Variants in PRKN observed in about 807,000 individuals in gnomAD.
PRKN encodes parkin RBR E3 ubiquitin protein ligase.
A neutral mutation model predicts 59.5 loss-of-function variants in PRKN; 56 were observed. That is an observed-to-expected ratio of 0.94 (90% CI 0.76 to 1.18). The LOEUF (loss-of-function observed/expected upper bound fraction) is 1.18. PRKN is among the 50% of genes most tolerant of loss of function. PRKN has a pLI of 0.00. For missense variants in PRKN, 657 were observed against 596.4 expected (o/e 1.10, Z -1.06); for synonymous variants, 250 against 222.1 (o/e 1.13, Z -1.12).
At position 161,362,214 on chromosome 6, in the gene PRKN, A is replaced by G. The variant is rs1785003049; in HGVS notation, c.1168-2009T>C. Among the ~76,000 whole-genome samples the G allele has an allele frequency of 6.6e-6, 1 of 152,214 alleles. No homozygotes were observed. Among genetic ancestry groups the G allele is most frequent in the South Asian group, 2.1e-4 (1 of 4,826 alleles). On this transcript the variant is annotated intron_variant, in intron 10 of 11. Coordinates refer to ENST00000366898, the MANE Select transcript of PRKN (RefSeq NM_004562.3). This position sits in a 1 kb window ranked among gnomAD's most constrained non-coding sequence, Gnocchi z 5.2. Reference sequence around the variant, plus strand: ...TTCTCCCAGGTCCACACACCTAAAAATGCTGGATCAAATATGGAAAAAAAT... The same window carrying G: ...TTCTCCCAGGTCCACACACCTAAAAGTGCTGGATCAAATATGGAAAAAAAT...
chr6:162,441,956 T>C (rs1790074165), intron 2 of PRKN, among the ~76,000 whole-genome samples: 1 of 152,158 alleles, frequency 6.6e-6, no homozygotes, highest in African/African-American at 2.4e-5. Flanking sequence ...GGAAACATCC[T>C]TGGATTTAGA....
chr6:162,211,869 A>T (rs1442262720), intron 3 of PRKN, among the ~76,000 whole-genome samples: 1 of 152,162 alleles, frequency 6.6e-6, no homozygotes, highest in Non-Finnish European at 1.5e-5. Context: ...AGATTCATAA[A>T]ATCTCTACTA....
intron 4 of PRKN, among the ~76,000 whole-genome samples, chr6:162,135,147 G>A (rs564154209): frequency 6.6e-6 from 1 of 151,910 alleles, no homozygotes; most frequent in Non-Finnish European, 1.5e-5. Context: ...GTTGTTGTTT[G>A]GCTTTTACAG....
chr6:161,569,549 A>C, intron 7 of PRKN, 133 bp from the exon 8 acceptor site: 1 of 771,278 alleles, frequency 1.3e-6, no homozygotes, highest in East Asian at 2.7e-5. Context: ...TGAAAAACAC[A>C]CATCTAACCA....
chr6:161,464,836 C>A (rs898674400), intron 9 of PRKN, among the ~76,000 whole-genome samples: 1 of 152,184 alleles, frequency 6.6e-6, no homozygotes, highest in African/African-American at 2.4e-5. Flanking sequence ...CAGGTAAAAC[C>A]ATCAGGCAAT....
In PRKN at chr6:162,267,805, G is replaced by A. The variant is rs191004642; in HGVS notation, c.172-5040C>T. On this transcript the variant is annotated intron_variant, in intron 2 of 11. Coordinates refer to ENST00000366898, the MANE Select transcript of PRKN (RefSeq NM_004562.3). ...ACCAGTATTAACAAAACATCCATGG[G>A]AGTTTTTTTTGCCAAACAATGATCA... Among the ~76,000 whole-genome samples the A allele has an allele frequency of 2.0e-5, 3 of 152,130 alleles. No individual in the cohort carries two copies. In the East Asian group the frequency reaches 5.8e-4, roughly 29 times the overall value.
At chr6:161,481,869 T>C (rs772955082) in intron 9 of PRKN, among the ~76,000 whole-genome samples, 2 of 151,934 alleles carry the variant, frequency 1.3e-5, no homozygotes, top group Non-Finnish European at 2.9e-5. Flanking sequence ...TTGGGCAATT[T>C]TTCAAAGAAG....
Position 162,251,664 on chromosome 6 carries a change from T to G in PRKN, c.412+10861A>C, listed in dbSNP as rs6941497. 1.8e-3 allele frequency among the ~76,000 whole-genome samples: 274 copies of G among 152,362 alleles called. 1 individual carries two copies. The highest frequency in any genetic ancestry group is 6.2e-3 in the African/African-American group (257 of 41,598). Reference sequence around the variant, plus strand: ...AGAAACTGCTATTAAATCTTGCATCTGCATTTTAATATTCTTCTTTATGTA... The same window carrying G: ...AGAAACTGCTATTAAATCTTGCATCGGCATTTTAATATTCTTCTTTATGTA... On this transcript the variant is annotated intron_variant, in intron 3 of 11. Coordinates refer to ENST00000366898, the MANE Select transcript of PRKN (RefSeq NM_004562.3).
At chr6:161,705,130 G>A (rs1019764070) in intron 7 of PRKN, among the ~76,000 whole-genome samples, 1 of 152,080 alleles carries the variant, frequency 6.6e-6, no homozygotes, top group Non-Finnish European at 1.5e-5. Flanking sequence ...TTGATATGCT[G>A]GAGCCTCAGA....
intron 4 of PRKN, among the ~76,000 whole-genome samples, chr6:162,159,672 A>C (rs1165741573): frequency 6.6e-6 from 1 of 152,226 alleles, no homozygotes; most frequent in African/African-American, 2.4e-5. Context: ...AAGAAAACAA[A>C]GTTGGAGAAC....
rs61592555 is a variant in PRKN, at chr6:162,179,968, CTGTGTGTGTGTG to C, written c.534+21151_534+21162del. 3.1e-3 allele frequency among the ~76,000 whole-genome samples: 436 copies of C among 139,790 alleles called. 1 individual carries two copies. The highest frequency in any genetic ancestry group is 9.4e-3 in the African/African-American group (352 of 37,368). 91.7% of individuals were successfully genotyped at this position (139,790 alleles called of 152,430 possible). On this transcript the variant is annotated intron_variant, in intron 4 of 11. Coordinates refer to ENST00000366898, the MANE Select transcript of PRKN (RefSeq NM_004562.3). ...GACAGTGCTTTTTGTTATCTTATTA[CTGTGTGTGTGTG>C]TGTGTGTGTGTGTGTGTGTGTGTGT...
At chr6:162,285,259 T>G (rs1388220824) in intron 2 of PRKN, among the ~76,000 whole-genome samples, 2 of 148,878 alleles carry the variant, frequency 1.3e-5, no homozygotes, top group Admixed American at 1.4e-4. Flanking sequence ...TCACAGATAT[T>G]TTGGAGATTT....
At chr6:162,346,033 G>C (rs188955928) in intron 2 of PRKN, among the ~76,000 whole-genome samples, 124 of 152,210 alleles carry the variant, frequency 8.1e-4, no homozygotes, top group Middle Eastern at 3.4e-3. Context: ...GCCATGTTAT[G>C]ACACAGGAGA....
chr6:161,702,697 T>G (rs958165377), intron 7 of PRKN, among the ~76,000 whole-genome samples: 2 of 152,080 alleles, frequency 1.3e-5, no homozygotes, highest in Non-Finnish European at 1.5e-5. Context: ...AAATGGTAAT[T>G]TTAGGCTATG....
chr6:162,003,284 C>T (rs1474268234), intron 5 of PRKN, among the ~76,000 whole-genome samples: 1 of 151,928 alleles, frequency 6.6e-6, no homozygotes, highest in African/African-American at 2.4e-5. Context: ...ATATGAGGAC[C>T]TCCTGGATGG....
chr6:162,295,563 G>A (rs570756220), intron 2 of PRKN, among the ~76,000 whole-genome samples: 1 of 152,200 alleles, frequency 6.6e-6, no homozygotes, highest in Admixed American at 6.5e-5. Flanking sequence ...TAGGACTAAT[G>A]CCATTAACTA....
chr6:161,476,151 T>C (rs145654258), intron 9 of PRKN, among the ~76,000 whole-genome samples: 3,093 of 151,224 alleles, frequency 0.02, 107 homozygotes, highest in African/African-American at 0.072. Flanking sequence ...CGCGCCACTG[T>C]ACTCCAACCT....
intron 1 of PRKN, among the ~76,000 whole-genome samples, chr6:162,529,033 C>T (rs772904960): frequency 2.0e-5 from 3 of 152,142 alleles, no homozygotes; most frequent in African/African-American, 4.8e-5. Flanking sequence ...ACCATCACAC[C>T]GAGCTAATTT....
rs534869653 is a variant in PRKN, at chr6:162,286,936, C to T, written c.172-24171G>A. ...TTGTAAAACCACGTTGAACTGCTTA[C>T]CTTGACTGAATAAATCAGCAATGAG... On this transcript the variant is annotated intron_variant, in intron 2 of 11. Transcript: ENST00000366898. 5.6e-4 allele frequency among the ~76,000 whole-genome samples: 85 copies of T among 152,312 alleles called. No individual in the cohort carries two copies. The South Asian group carries it at 0.017, about 30-fold the overall frequency.
Sources: allele counts gnomAD v4.1 joint callset (sites outside exome capture counted in the v4.1 genomes callset), GRCh38; gene constraint gnomAD v4.1.1; non-coding constraint Gnocchi (gnomAD v3.1); transcripts MANE v1.5; gene names NCBI Gene and HGNC (gene_info 2026-07-23, HGNC 2026-07-21).